F7: variants seen among roughly 807,000 people sequenced by gnomAD.
F7 encodes the protein coagulation factor VII, also known as FVII coagulation protein.
In F7, 38 loss-of-function variants were observed where a neutral mutation model predicts 47.5. The observed-to-expected ratio is 0.80, with a 90% CI of 0.62 to 1.05. F7 has a LOEUF of 1.05. Ranked by LOEUF, F7 falls within the 50% of genes least tolerant of loss-of-function variation. The pLI is 0.00. For synonymous variants in F7, 244 were observed against 258.5 expected (o/e 0.94, Z 0.54); for missense variants, 575 against 605.4 (o/e 0.95, Z 0.53).
chr13:113,118,939 C>G lies in F7; in HGVS notation c.1266C>G (p.Ile422Met). The change falls in exon 8 of 8, where the codon ATC becomes ATG. Residue 422 changes from isoleucine (I) to methionine (M), a missense_variant. Physicochemically the swap from Ile to Met is conservative, Grantham distance 10. Coordinates refer to ENST00000346342, the MANE Select transcript of F7 (RefSeq NM_019616.4). ...TGTACACCAGGGTCTCCCAGTACAT[C>G]GAGTGGCTGCAAAAGCTCATGCGCT... is the stretch of plus-strand genomic sequence containing the variant. The part of the protein sequence containing the change: ...FGVYTRVSQY[I>M]EWLQKLMRSE... The G allele has an allele frequency of 6.2e-7, 1 of 1,609,716 alleles. No homozygotes were observed. The highest frequency in any genetic ancestry group is 8.5e-7 in the Non-Finnish European group (1 of 1,179,934).
chr13:113,115,032 G>C (rs491098), intron 4 of F7: 19,773 of 159,202 alleles, frequency 0.12, 1,384 homozygotes, highest in South Asian at 0.28. Flanking sequence ...AGAATGCCTG[G>C]AGATCTCTGC....
chr13:113,108,714 C>T (rs1326283626), intron 1 of F7, among the ~76,000 whole-genome samples: 5 of 112,316 alleles, frequency 4.5e-5, no homozygotes, highest in Admixed American at 1.8e-4. Flanking sequence ...GTGTGGGTGT[C>T]CCGGGGGTCG....
chr13:113,119,539 G>A lies in F7; in HGVS notation c.*531G>A, dbSNP rs543052575. 3.3e-5 allele frequency: 6 copies of A among 179,122 alleles called. No homozygotes were observed. The highest frequency in any genetic ancestry group is 2.7e-4 in the South Asian group (2 of 7,474). 11.1% of individuals were successfully genotyped at this position (179,122 alleles called of 1,614,324 possible). A position where few individuals can be genotyped will look rare whatever the true frequency, so the allele number is the denominator to read the frequency against. On this transcript the variant is annotated 3_prime_UTR_variant, in exon 8 of 8. Transcript: ENST00000346342. ...CACACAGATGGTCACACAGAGATAC[G>A]CAAACACACCGATGCACACGCACAT...
Position 113,118,949 on chromosome 13 carries a change from C to T in F7, c.1276C>T (p.Gln426Ter). The T allele has an allele frequency of 6.2e-7, 1 of 1,608,412 alleles. No homozygotes were observed. Among genetic ancestry groups the T allele is most frequent in the African/African-American group, 1.3e-5 (1 of 75,052 alleles). The change falls in exon 8 of 8, where the codon CAA becomes TAA. Residue 426 changes from glutamine (Q) to a stop codon, truncating the protein, a stop_gained. Transcript: ENST00000346342. LOFTEE classifies it low-confidence loss of function (END_TRUNC). The part of the protein sequence containing the change: ...TRVSQYIEWL[Q>*]KLMRSEPRPG... ...GGTCTCCCAGTACATCGAGTGGCTG[C>T]AAAAGCTCATGCGCTCAGAGCCACG...
rs773842154 is a variant in F7, at chr13:113,106,850, G to T, written c.64+945G>T. On this transcript the variant is annotated intron_variant, in intron 1 of 7. Coordinates refer to ENST00000346342, the MANE Select transcript of F7 (RefSeq NM_019616.4). Reference sequence around the variant, plus strand: ...CGGCCACCTTCCTGCCCCAGGCGGGGTCGCTAAGGCCTCAGGAGGAGAAAC... The same window carrying T: ...CGGCCACCTTCCTGCCCCAGGCGGGTTCGCTAAGGCCTCAGGAGGAGAAAC... 9 of 1,601,676 alleles carry T rather than the reference G, an allele frequency of 5.6e-6. No individual in the cohort carries two copies. The highest frequency in any genetic ancestry group is 1.1e-5 in the South Asian group (1 of 89,320).
At position 113,110,769 on chromosome 13, in the gene F7, G is replaced by A. The variant is rs781653465; in HGVS notation, c.144G>A (p.Pro48=). 1 of 1,550,154 alleles carries A rather than the reference G, an allele frequency of 6.5e-7. No homozygotes were observed. The highest frequency in any genetic ancestry group is 8.7e-7 in the Non-Finnish European group (1 of 1,147,196). The change falls in exon 2 of 8, where the codon CCG becomes CCA. Residue 48 remains proline, a synonymous_variant. Coordinates refer to ENST00000346342, the MANE Select transcript of F7 (RefSeq NM_019616.4). The part of the protein sequence containing the change: ...RANAFLEELR[P]GSLERECKEE... ...ACGCGTTCCTGGAGGAGCTGCGGCCGGGCTCCCTGGAGAGGGAGTGCAAGG... is the reference window on the plus strand; with the variant it reads ...ACGCGTTCCTGGAGGAGCTGCGGCCAGGCTCCCTGGAGAGGGAGTGCAAGG...
intron 1 of F7, 30 bp downstream of exon 1, chr13:113,105,935 T>C (rs1307754336): frequency 6.4e-7 from 1 of 1,560,466 alleles, no homozygotes; most frequent in East Asian, 2.3e-5. Context: ...CTCCATAAAC[T>C]TGGTGGAAGG....
Position 113,119,110 on chromosome 13 carries a change from A to G in F7, c.*102A>G. The G allele has an allele frequency of 2.0e-6, 1 of 496,484 alleles. No homozygotes were observed. Among genetic ancestry groups the G allele is most frequent in the Admixed American group, 2.3e-5 (1 of 43,308 alleles). 30.8% of individuals were successfully genotyped at this position (496,484 alleles called of 1,614,324 possible). On this transcript the variant is annotated 3_prime_UTR_variant, in exon 8 of 8. Coordinates refer to ENST00000346342, the MANE Select transcript of F7 (RefSeq NM_019616.4). Reference sequence around the variant, plus strand: ...TGCAGTTAATGGGGTAGAGGAGGGCATGGGAGGGAGGGAGAGGTGGGGAGG... The same window carrying G: ...TGCAGTTAATGGGGTAGAGGAGGGCGTGGGAGGGAGGGAGAGGTGGGGAGG...
At chr13:113,115,630 C>A in intron 4 of F7, 30 bp from the exon 5 acceptor site, 2 of 1,609,628 alleles carry the variant, frequency 1.2e-6, no homozygotes, top group Non-Finnish European at 1.7e-6. Flanking sequence ...CCCAGAAGCC[C>A]CTCTCAGGGT....
chr13:113,115,232 G>C (rs759117944), intron 4 of F7, among the ~76,000 whole-genome samples: 1 of 152,178 alleles, frequency 6.6e-6, no homozygotes, highest in Admixed American at 6.5e-5. Context: ...ACGGTGGTAC[G>C]AGGCCAGCTT....
chr13:113,115,857 T>G, intron 5 of F7, 57 bp downstream of exon 5: 1 of 1,610,012 alleles, frequency 6.2e-7, no homozygotes, highest in Admixed American at 1.7e-5. Flanking sequence ...CCACTACGGA[T>G]TATCTTACTG....
chr13:113,114,059 T>A, intron 4 of F7, 99 bp downstream of exon 4: 1 of 1,315,438 alleles, frequency 7.6e-7, no homozygotes, highest in Non-Finnish European at 1.1e-6. Context: ...CCTGGTGGGG[T>A]GTGTAGGCCG....
chr13:113,111,392 C>T, intron 2 of F7, among the ~76,000 whole-genome samples: 1 of 139,758 alleles, frequency 7.2e-6, no homozygotes, highest in African/African-American at 2.8e-5. Flanking sequence ...TTCACACTCA[C>T]AGGTCACCTC....
chr13:113,107,310 C>T lies in F7; in HGVS notation c.64+1405C>T, dbSNP rs376480220. 3.4e-3 allele frequency among the ~76,000 whole-genome samples: 193 copies of T among 57,450 alleles called. 3 individuals carry two copies. The highest frequency in any genetic ancestry group is 0.015 in the African/African-American group (182 of 12,042). The allele number at this position is 57,450 out of a possible 152,430, so 37.7% of individuals were successfully genotyped here. ...CCCAGGAGTGTGGGTGTCCCGGGGG[C>T]GTGGGTGTCCCGGGAGTGTGGGTGT... On this transcript the variant is annotated intron_variant, in intron 1 of 7. Coordinates refer to ENST00000346342, the MANE Select transcript of F7 (RefSeq NM_019616.4).
At chr13:113,115,967 G>A (rs2142225493) in intron 5 of F7, among the ~76,000 whole-genome samples, 167 bp downstream of exon 5, 1 of 152,372 alleles carries the variant, frequency 6.6e-6, no homozygotes, top group South Asian at 2.1e-4. Context: ...GCACAGGCCA[G>A]AGCGACAGTG....
chr13:113,120,109 C>T lies in F7; in HGVS notation c.*1101C>T, dbSNP rs1250086221. 3.9e-5 allele frequency: 6 copies of T among 152,202 alleles called. No homozygotes were observed. The highest frequency in any genetic ancestry group is 3.9e-4 in the Admixed American group (6 of 15,274). 9.4% of individuals were successfully genotyped at this position (152,202 alleles called of 1,614,324 possible). ...TGCTCTTTTCTTTCACAATTTTCAA[C>T]ATCACTGAAATGAACCCTCACATGG... On this transcript the variant is annotated 3_prime_UTR_variant, in exon 8 of 8. Coordinates refer to ENST00000346342, the MANE Select transcript of F7 (RefSeq NM_019616.4).
At chr13:113,117,003 C>G in intron 6 of F7, 128 bp downstream of exon 6, 1 of 774,988 alleles carries the variant, frequency 1.3e-6, no homozygotes, top group Non-Finnish European at 2.3e-6. Context: ...AGTCAGCACA[C>G]CTAGCACCTC....
chr13:113,106,842 C>T lies in F7; in HGVS notation c.64+937C>T, dbSNP rs184573698. 698 of 1,597,778 alleles carry T rather than the reference C, an allele frequency of 4.4e-4. 3 individuals carry two copies. The African/African-American group carries it at 7.8e-3, about 18-fold the overall frequency. On this transcript the variant is annotated intron_variant, in intron 1 of 7. Coordinates refer to ENST00000346342, the MANE Select transcript of F7 (RefSeq NM_019616.4). ...TATGACCCCGGCCACCTTCCTGCCC[C>T]AGGCGGGGTCGCTAAGGCCTCAGGA...
Position 113,118,404 on chromosome 13 carries a change from TC to T in F7, c.740-7del. The T allele has an allele frequency of 1.3e-6, 2 of 1,586,558 alleles. No individual in the cohort carries two copies. Among genetic ancestry groups the T allele is most frequent in the Non-Finnish European group, 1.7e-6 (2 of 1,166,940 alleles). ...TGGAAAGGGCCTGAGGGGGGCTTCTTCCTTCCAGGCGAGCACGACCTCAGCG... is the reference window on the plus strand; with the variant it reads ...TGGAAAGGGCCTGAGGGGGGCTTCTTCTTCCAGGCGAGCACGACCTCAGCG... On this transcript the variant is annotated splice_region_variant and splice_polypyrimidine_tract_variant and intron_variant, in intron 7 of 7. Coordinates refer to ENST00000346342, the MANE Select transcript of F7 (RefSeq NM_019616.4).
Sources: allele counts gnomAD v4.1 joint callset (sites outside exome capture counted in the v4.1 genomes callset), GRCh38; gene constraint gnomAD v4.1.1; transcripts MANE v1.5; gene names NCBI Gene and HGNC (gene_info 2026-07-23, HGNC 2026-07-21).